Variants in EIF2AK1 observed in about 807,000 individuals in gnomAD.
EIF2AK1 encodes eukaryotic translation initiation factor 2-alpha kinase 1.
EIF2AK1 carries 54 observed loss-of-function variants against 77.9 expected under a neutral mutation model. The observed-to-expected ratio is 0.69, with a 90% CI of 0.56 to 0.87. EIF2AK1 has a LOEUF of 0.87. Among genes scored for constraint, EIF2AK1 ranks in the 40% least tolerant of loss-of-function variants. The pLI is 0.00. For synonymous variants in EIF2AK1, 314 were observed against 290.5 expected, an observed-to-expected ratio of 1.08 and a Z score of -0.82; for missense variants, 810 against 768.6, an observed-to-expected ratio of 1.05 and a Z score of -0.64.
In EIF2AK1 at chr7:6,035,456, C is replaced by A. The variant is rs1451818952; in HGVS notation, c.1332+1968G>T. On this transcript the variant is annotated intron_variant, in intron 11 of 14. Transcript: ENST00000199389. The surrounding 1 kb of genome is among the most constrained non-coding windows in gnomAD (Gnocchi z 5.5). ...ATACCCATTCTAGGGACACGACAGG[C>A]CTCACCACACTCAACTTAATGCTAC... 5 of 1,550,228 alleles carry A rather than the reference C, an allele frequency of 3.2e-6. No individual in the cohort carries two copies. Among genetic ancestry groups the A allele is most frequent in the African/African-American group, 1.4e-5 (1 of 73,026 alleles).
Position 6,023,911 on chromosome 7 carries a change from T to C in EIF2AK1, c.*762A>G, listed in dbSNP as rs749464292. 1.3e-6 allele frequency: 2 copies of C among 1,488,526 alleles called. No homozygotes were observed. The highest frequency in any genetic ancestry group is 2.4e-5 in the South Asian group (2 of 82,724). 92.2% of individuals were successfully genotyped at this position (1,488,526 alleles called of 1,614,324 possible). A position where few individuals can be genotyped will look rare whatever the true frequency, so the allele number is the denominator to read the frequency against. ...TGACTGCCAACTCCATGGCAGACCC[T>C]TTCTGGGATTCAAAAACCAATTCAT... On this transcript the variant is annotated 3_prime_UTR_variant, in exon 15 of 15. Coordinates refer to ENST00000199389, the MANE Select transcript of EIF2AK1 (RefSeq NM_014413.4).
Position 6,038,553 on chromosome 7 carries a change from T to A in EIF2AK1, c.1231+7A>T. 1 of 1,606,472 alleles carries A rather than the reference T, an allele frequency of 6.2e-7. No individual in the cohort carries two copies. The highest frequency in any genetic ancestry group is 8.5e-7 in the Non-Finnish European group (1 of 1,175,768). On this transcript the variant is annotated splice_region_variant and intron_variant, in intron 10 of 14. Transcript: ENST00000199389. ...TTCCCGGCCCGGCAGACCCAGATGGTACTCACAGGCAGACTCGTCCACATA... is the reference window on the plus strand; with the variant it reads ...TTCCCGGCCCGGCAGACCCAGATGGAACTCACAGGCAGACTCGTCCACATA...
At chr7:6,052,887 C>CG (rs1302803881) in intron 2 of EIF2AK1, among the ~76,000 whole-genome samples, 2 of 151,824 alleles carry the variant, frequency 1.3e-5, no homozygotes, top group East Asian at 1.9e-4. Flanking sequence ...CACTTGAACC[C>CG]GGGGGGCGGA....
chr7:6,025,337 T>C (rs2128884246), intron 14 of EIF2AK1, among the ~76,000 whole-genome samples: 1 of 152,118 alleles, frequency 6.6e-6, no homozygotes, highest in Admixed American at 6.5e-5. Context: ...AATTTTTGTA[T>C]TTTTAGTAGA....
chr7:6,041,100 G>T lies in EIF2AK1; in HGVS notation c.911C>A (p.Ser304Ter). 6.2e-7 allele frequency: 1 copy of T among 1,613,924 alleles called. No individual in the cohort carries two copies. The highest frequency in any genetic ancestry group is 8.5e-7 in the Non-Finnish European group (1 of 1,179,996). ...GACTAAATTGGTGGTGTACTTCACC[G>T]ACTTGTTATTCTGATTTTCAGTGTC... ...ESDTENQNNKSVKYTTNLVIR... is the reference protein window; with the variant it reads ...ESDTENQNNK Residue 304 changes from serine (S) to a stop codon, truncating the protein, a stop_gained, in exon 9 of 15, where the codon TCG becomes TAG. Transcript: ENST00000199389. LOFTEE classifies it high-confidence loss of function.
intron 9 of EIF2AK1, 144 bp from the exon 10 acceptor site, chr7:6,038,815 C>T: frequency 1.7e-6 from 1 of 577,664 alleles, no homozygotes; most frequent in Non-Finnish European, 2.8e-6. Context: ...CTTCTCTTTG[C>T]AAGACAGAAG....
At chr7:6,028,553 T>G (rs977470523) in intron 13 of EIF2AK1, 62 bp downstream of exon 13, 1 of 1,545,558 alleles carries the variant, frequency 6.5e-7, no homozygotes, top group East Asian at 2.3e-5. Flanking sequence ...CACCCAACCC[T>G]GTATTGTTAT....
chr7:6,026,376 G>C, intron 14 of EIF2AK1: 3 of 487,542 alleles, frequency 6.2e-6, no homozygotes, highest in Admixed American at 2.4e-5. Context: ...AAACCCTGCG[G>C]GCCCCTCCGG....
intron 11 of EIF2AK1, 101 bp from the exon 12 acceptor site, chr7:6,029,133 C>T (rs1787829634): frequency 1.0e-6 from 1 of 968,486 alleles, no homozygotes; most frequent in African/African-American, 1.7e-5. Context: ...GCAAGCAGCC[C>T]CTCAAAAGTT....
At chr7:6,054,462 C>A (rs1318410060) in intron 2 of EIF2AK1, 84 bp downstream of exon 2, 2 of 1,513,592 alleles carry the variant, frequency 1.3e-6, no homozygotes, top group Middle Eastern at 1.7e-4. Context: ...CCTCAGCCTC[C>A]CAAAGTGCTG....
chr7:6,029,059 C>T, intron 11 of EIF2AK1, 27 bp from the exon 12 acceptor site: 2 of 1,543,020 alleles, frequency 1.3e-6, no homozygotes, highest in South Asian at 1.1e-5. Context: ...CAAGTCAACT[C>T]CTTGGCTTTC....
Position 6,026,735 on chromosome 7 carries a change from G to C in EIF2AK1, c.1757C>G (p.Ser586Cys), listed in dbSNP as rs778635249. ...AGAAAGAAAAGCACATACATTTCCA[G>C]AATTTTGGAAAAGTTCACTCTGCAG... ...QLLQSELFQNSGNVNLTLQMK... is the reference protein window; with the variant it reads ...QLLQSELFQNCGNVNLTLQMK... Residue 586 changes from serine to cysteine, a missense_variant, in exon 14 of 15, where the codon TCT becomes TGT. Physicochemically the swap from Ser to Cys is moderately radical, Grantham distance 112. This residue lies in a region of EIF2AK1 where 549 missense variants were observed against 533.7 expected (regional missense o/e 1.03). Transcript: ENST00000199389. 1.9e-6 allele frequency: 3 copies of C among 1,613,452 alleles called. No individual in the cohort carries two copies. Among genetic ancestry groups the C allele is most frequent in the East Asian group, 2.2e-5 (1 of 44,878 alleles).
intron 3 of EIF2AK1, among the ~76,000 whole-genome samples, chr7:6,049,195 G>C (rs1420279211): frequency 6.6e-6 from 1 of 152,108 alleles, no homozygotes; most frequent in Non-Finnish European, 1.5e-5. Context: ...TAAAATGTAA[G>C]TCAGATTGTG....
In EIF2AK1 at chr7:6,027,257, G is replaced by A. The variant is rs567973540; in HGVS notation, c.1531-296C>T. Reference sequence around the variant, plus strand: ...CAGCACCCCTTAACAATCCAGGCCTGACCCAGGCAATGATGTGAGCTCACG... The same window carrying A: ...CAGCACCCCTTAACAATCCAGGCCTAACCCAGGCAATGATGTGAGCTCACG... On this transcript the variant is annotated intron_variant, in intron 13 of 14. Transcript: ENST00000199389. The surrounding 1 kb of genome is among the most constrained non-coding windows in gnomAD (Gnocchi z 4.5). Among the ~76,000 whole-genome samples, 2 of 152,272 alleles carry A rather than the reference G, an allele frequency of 1.3e-5. No individual in the cohort carries two copies. The highest frequency in any genetic ancestry group is 1.9e-4 in the East Asian group (1 of 5,182).
rs1163825204 is a variant in EIF2AK1, at chr7:6,033,664, G to A, written c.1332+3760C>T. On this transcript the variant is annotated intron_variant, in intron 11 of 14. Transcript: ENST00000199389. This position sits in a 1 kb window ranked among gnomAD's most constrained non-coding sequence, Gnocchi z 4.4. Reference sequence around the variant, plus strand: ...GGAGTGCAGTGGCACCATTCTCCTGGGTTCACGCCATTCTCCTGCCTCAGC... The same window carrying A: ...GGAGTGCAGTGGCACCATTCTCCTGAGTTCACGCCATTCTCCTGCCTCAGC... Among the ~76,000 whole-genome samples the A allele has an allele frequency of 6.6e-6, 1 of 152,010 alleles. No homozygotes were observed. The highest frequency in any genetic ancestry group is 1.5e-5 in the Non-Finnish European group (1 of 67,994).
chr7:6,023,536 G>C lies in EIF2AK1; in HGVS notation c.*1137C>G, dbSNP rs770771902. Reference sequence around the variant, plus strand: ...TGCTCTTGGGAAGAGCCCTTGGCTCGCTGGGAATGAACTCACCGTAGCAGA... The same window carrying C: ...TGCTCTTGGGAAGAGCCCTTGGCTCCCTGGGAATGAACTCACCGTAGCAGA... On this transcript the variant is annotated 3_prime_UTR_variant, in exon 15 of 15. Coordinates refer to ENST00000199389, the MANE Select transcript of EIF2AK1 (RefSeq NM_014413.4). 6.2e-7 allele frequency: 1 copy of C among 1,614,214 alleles called. No homozygotes were observed. The highest frequency in any genetic ancestry group is 1.3e-5 in the African/African-American group (1 of 75,060).
At chr7:6,048,376 A>T (rs1256117829) in intron 4 of EIF2AK1, among the ~76,000 whole-genome samples, 1 of 152,210 alleles carries the variant, frequency 6.6e-6, no homozygotes, top group East Asian at 1.9e-4. Flanking sequence ...GGATGTTTTC[A>T]AGATTCATCC....
At position 6,023,160 on chromosome 7, in the gene EIF2AK1, CT is replaced by C; in HGVS notation, c.*1512del. On this transcript the variant is annotated 3_prime_UTR_variant, in exon 15 of 15. Transcript: ENST00000199389. ...CAGTAGTAAGCATCTTAGAGACAGA[CT>C]GAAAATGTGATGTTCTTCTTGAAAA... The C allele has an allele frequency of 1.0e-6, 1 of 982,404 alleles. No homozygotes were observed. The highest frequency in any genetic ancestry group is 1.5e-6 in the Non-Finnish European group (1 of 683,464). 60.9% of individuals were successfully genotyped at this position (982,404 alleles called of 1,614,324 possible).
rs546512568 is a variant in EIF2AK1, at chr7:6,025,504, T to G, written c.1765-703A>C. On this transcript the variant is annotated intron_variant, in intron 14 of 14. Coordinates refer to ENST00000199389, the MANE Select transcript of EIF2AK1 (RefSeq NM_014413.4). Reference sequence around the variant, plus strand: ...ACAGGCGGTGGGGAGTCAACCTGCTTACGTGGACAATGAATATAAGCATGC... The same window carrying G: ...ACAGGCGGTGGGGAGTCAACCTGCTGACGTGGACAATGAATATAAGCATGC... Among the ~76,000 whole-genome samples the G allele has an allele frequency of 3.3e-5, 5 of 152,198 alleles. No homozygotes were observed. The South Asian group carries it at 1.0e-3, about 32-fold the overall frequency.
Sources: gnomAD v4.1 joint callset for allele counts (sites outside exome capture counted in the v4.1 genomes callset) on GRCh38, gnomAD v4.1.1 for gene constraint, gnomAD v4.1.1 regional missense constraint, Gnocchi (gnomAD v3.1) non-coding constraint, MANE v1.5 for transcripts, NCBI Gene and HGNC (gene_info 2026-07-23, HGNC 2026-07-21) for gene names.